The following MAP2K6 variants were observed in gnomAD, a reference collection of about 807,000 sequenced individuals.
The protein encoded by MAP2K6 is dual specificity mitogen-activated protein kinase kinase 6.
In MAP2K6, 16 loss-of-function variants were observed where a neutral mutation model predicts 53.7. The observed-to-expected ratio is 0.30, with a 90% CI of 0.20 to 0.45. The LOEUF (loss-of-function observed/expected upper bound fraction) is 0.45. Among genes scored for constraint, MAP2K6 ranks in the 20% least tolerant of loss-of-function variants. The pLI is 1.00. For missense variants in MAP2K6, 204 were observed against 411.9 expected (o/e 0.50, Z 4.37); for synonymous variants, 132 against 143.1 (o/e 0.92, Z 0.55).
intron 1 of MAP2K6, among the ~76,000 whole-genome samples, chr17:69,483,681 C>A (rs1908425771): frequency 6.6e-6 from 1 of 152,084 alleles, no homozygotes; most frequent in Non-Finnish European, 1.5e-5. Context: ...AGGAATCACA[C>A]TTCCTGATTT....
intron 1 of MAP2K6, among the ~76,000 whole-genome samples, chr17:69,438,835 T>C (rs2145146317): frequency 6.6e-6 from 1 of 152,324 alleles, no homozygotes; most frequent in South Asian, 2.1e-4. Flanking sequence ...TCTTTCCACC[T>C]TAGCCTCCCA....
chr17:69,512,559 G>A (rs917339688), intron 2 of MAP2K6, among the ~76,000 whole-genome samples: 33 of 151,944 alleles, frequency 2.2e-4, no homozygotes, highest in Non-Finnish European at 1.3e-4. Flanking sequence ...GGCTGGTCTC[G>A]AACTCCTGAT....
intron 1 of MAP2K6, among the ~76,000 whole-genome samples, chr17:69,430,712 G>A (rs778779519): frequency 6.6e-6 from 1 of 152,182 alleles, no homozygotes; most frequent in African/African-American, 2.4e-5. Context: ...AAAACAGGAA[G>A]CAGTGAATCA....
intron 5 of MAP2K6, chr17:69,519,789 G>A (rs1598306018): frequency 4.1e-6 from 1 of 243,190 alleles, no homozygotes; most frequent in South Asian, 6.2e-5. Context: ...GCCTACTTGT[G>A]TACTATATAG....
chr17:69,422,895 T>A (rs192332523), intron 1 of MAP2K6, among the ~76,000 whole-genome samples: 128 of 152,110 alleles, frequency 8.4e-4, no homozygotes, highest in African/African-American at 2.8e-3. Flanking sequence ...GTTTGTTTGT[T>A]TGTTTGAGAT....
chr17:69,446,654 C>A (rs910705124), intron 1 of MAP2K6, among the ~76,000 whole-genome samples: 5 of 152,084 alleles, frequency 3.3e-5, no homozygotes, highest in Non-Finnish European at 5.9e-5. Context: ...ATTGCAGAGT[C>A]GGGATGCCAA....
At chr17:69,447,230 C>T (rs1391087119) in intron 1 of MAP2K6, among the ~76,000 whole-genome samples, 4 of 152,052 alleles carry the variant, frequency 2.6e-5, no homozygotes, top group South Asian at 4.2e-4. Context: ...CCACCCGCCT[C>T]GGCCTCCCAA....
At chr17:69,489,003 C>T (rs1908647633) in intron 1 of MAP2K6, among the ~76,000 whole-genome samples, 2 of 151,846 alleles carry the variant, frequency 1.3e-5, no homozygotes, top group African/African-American at 4.8e-5. Flanking sequence ...GGTGGATCAC[C>T]TGAGGTCAGG....
At chr17:69,432,000 A>AC (rs1449834292) in intron 1 of MAP2K6, among the ~76,000 whole-genome samples, 1 of 152,120 alleles carries the variant, frequency 6.6e-6, no homozygotes, top group African/African-American at 2.4e-5. Context: ...TGAGGCATTA[A>AC]CCCCATGGCT....
chr17:69,466,819 G>T (rs1907829234), intron 1 of MAP2K6, among the ~76,000 whole-genome samples: 1 of 152,196 alleles, frequency 6.6e-6, no homozygotes, highest in South Asian at 2.1e-4. Flanking sequence ...CAGGTTCAAA[G>T]ATCTAGGATT....
At chr17:69,509,753 T>G (rs1426219162) in intron 2 of MAP2K6, among the ~76,000 whole-genome samples, 1 of 152,136 alleles carries the variant, frequency 6.6e-6, no homozygotes, top group Non-Finnish European at 1.5e-5. Context: ...TGAAGCGAAC[T>G]GTAGGTTTTT....
chr17:69,527,945 G>C (rs1910861145), intron 10 of MAP2K6, among the ~76,000 whole-genome samples: 1 of 151,808 alleles, frequency 6.6e-6, no homozygotes, highest in African/African-American at 2.4e-5. Flanking sequence ...GTGAAAACCT[G>C]ACTCTACTAA....
At chr17:69,443,785 GGA>G (rs973016163) in intron 1 of MAP2K6, among the ~76,000 whole-genome samples, 12 of 152,160 alleles carry the variant, frequency 7.9e-5, no homozygotes, top group African/African-American at 2.9e-4. Context: ...GTTGGTAGGG[GGA>G]GAGGTGGAAT....
chr17:69,430,453 C>T (rs1406336301), intron 1 of MAP2K6, among the ~76,000 whole-genome samples: 4 of 152,186 alleles, frequency 2.6e-5, no homozygotes, highest in African/African-American at 4.8e-5. Context: ...AGCTTTTATT[C>T]CATATTAGTT....
At chr17:69,520,201 T>C (rs764996241) in intron 5 of MAP2K6, 69 bp from the exon 6 acceptor site, 21 of 807,318 alleles carry the variant, frequency 2.6e-5, no homozygotes, top group Non-Finnish European at 3.6e-5. Context: ...GGTTTACTGT[T>C]TTTTTTTTTT....
intron 2 of MAP2K6, among the ~76,000 whole-genome samples, chr17:69,506,625 CA>C (rs1909499530): frequency 6.6e-6 from 1 of 152,254 alleles, no homozygotes; most frequent in Middle Eastern, 3.4e-3. Context: ...TTCATGTCTA[CA>C]AAAGTGCCTC....
At chr17:69,453,279 G>A (rs547440579) in intron 1 of MAP2K6, among the ~76,000 whole-genome samples, 1 of 152,300 alleles carries the variant, frequency 6.6e-6, no homozygotes, top group South Asian at 2.1e-4. Context: ...AATTTTGCAG[G>A]CCATACAGTC....
intron 6 of MAP2K6, 94 bp from the exon 7 acceptor site, chr17:69,520,955 A>G: frequency 4.2e-6 from 4 of 946,910 alleles, no homozygotes; most frequent in Middle Eastern, 2.8e-4. Context: ...CTCACTGGTA[A>G]CCTAAAGCCA....
rs141446364 is a variant in MAP2K6 at position 69,456,295 on chromosome 17, C to A, written c.16+41295C>A. ...GTGCCTATGCTTCGGGCCTCTTTGG[C>A]GGAAAATAACACCTGTGTCTTGAGA... On this transcript the variant is annotated intron_variant, in intron 1 of 11. Coordinates refer to ENST00000590474, the MANE Select transcript of MAP2K6 (RefSeq NM_002758.4). Among the ~76,000 whole-genome samples, 5 of 152,210 alleles carry A rather than the reference C, an allele frequency of 3.3e-5. No homozygotes were observed. The East Asian group carries it at 9.7e-4, about 29-fold the overall frequency.
Sources: gnomAD v4.1 joint callset for allele counts (sites outside exome capture counted in the v4.1 genomes callset) on GRCh38, gnomAD v4.1.1 for gene constraint, MANE v1.5 for transcripts, NCBI Gene and HGNC (gene_info 2026-07-23, HGNC 2026-07-21) for gene names.